Variants in ELFN1 observed in about 807,000 individuals in gnomAD.
ELFN1 encodes protein ELFN1.
A neutral mutation model predicts 7.6 loss-of-function variants in ELFN1; 6 were observed. The observed-to-expected ratio is 0.79, with a 90% CI of 0.43 to 1.56. ELFN1 has a LOEUF of 1.56. Among genes scored for constraint, ELFN1 ranks in the 40% most tolerant of loss-of-function variants. ELFN1 has a pLI of 0.01. For missense variants in ELFN1, 1,169 were observed against 1,232.2 expected, an observed-to-expected ratio of 0.95 and a Z score of 0.77; for synonymous variants, 657 against 588.1, an observed-to-expected ratio of 1.12 and a Z score of -1.70.
Position 1,745,798 on chromosome 7 carries a change from G to A in ELFN1, c.1202G>A (p.Arg401Gln), listed in dbSNP as rs935745447. Reference protein sequence around the residue: ...NHTCLTICLPRLPSPPGPVPS... With the variant: ...NHTCLTICLPQLPSPPGPVPS... ...ACCTGCCTCACCATCTGCTTGCCCCGGCTGCCCAGCCCGCCTGGTCCGGTG... is the reference window on the plus strand; with the variant it reads ...ACCTGCCTCACCATCTGCTTGCCCCAGCTGCCCAGCCCGCCTGGTCCGGTG... Residue 401 changes from arginine (R) to glutamine (Q), a missense_variant, in exon 4 of 4, where the codon CGG becomes CAG. Arg to Gln is a conservative substitution (Grantham distance 43). Coordinates refer to ENST00000424383, the MANE Select transcript of ELFN1 (RefSeq NM_001128636.4). The A allele has an allele frequency of 6.0e-5, 94 of 1,558,080 alleles. No individual in the cohort carries two copies. Among genetic ancestry groups the A allele is most frequent in the East Asian group, 1.5e-4 (6 of 41,252 alleles).
chr7:1,707,293 A>C (rs138896339), intron 2 of ELFN1, among the ~76,000 whole-genome samples: 17 of 152,296 alleles, frequency 1.1e-4, no homozygotes, highest in African/African-American at 4.1e-4. Context: ...CGACCCCTCC[A>C]CGTGACTGCA....
chr7:1,668,603 C>T (rs937139687), upstream of ELFN1, among the ~76,000 whole-genome samples: 6 of 152,184 alleles, frequency 3.9e-5, no homozygotes, highest in Admixed American at 2.6e-4. Flanking sequence ...GGGGGCCGAC[C>T]AGCTTCTCCC....
chr7:1,725,333 C>T (rs959692810), intron 3 of ELFN1, among the ~76,000 whole-genome samples: 3 of 152,122 alleles, frequency 2.0e-5, no homozygotes, highest in Admixed American at 2.0e-4. Context: ...GGCGGGGGCC[C>T]TGGTGGTGTG....
chr7:1,727,638 T>C (rs917465412), intron 3 of ELFN1, among the ~76,000 whole-genome samples: 3 of 152,120 alleles, frequency 2.0e-5, no homozygotes, highest in Non-Finnish European at 4.4e-5. Flanking sequence ...CCAGTAGTCT[T>C]TTTTTGGTCA....
rs746104771 is a variant in ELFN1, at chr7:1,745,520, G to T, written c.924G>T (p.Thr308=). 1.3e-6 allele frequency: 2 copies of T among 1,546,116 alleles called. No homozygotes were observed. Among genetic ancestry groups the T allele is most frequent in the Non-Finnish European group, 1.7e-6 (2 of 1,146,868 alleles). Residue 308 remains threonine (T), a synonymous_variant, in exon 4 of 4, where the codon ACG becomes ACT. Coordinates refer to ENST00000424383, the MANE Select transcript of ELFN1 (RefSeq NM_001128636.4). ...DGTTPLVALP[T]LATQAEARPL... is the part of the protein sequence containing the mutation. ...CCACGCCACTGGTGGCCCTGCCCAC[G>T]CTGGCCACGCAGGCCGAGGCCCGCC...
At chr7:1,727,611 G>A (rs116793393) in intron 3 of ELFN1, among the ~76,000 whole-genome samples, 3,569 of 152,188 alleles carry the variant, frequency 0.023, 157 homozygotes, top group African/African-American at 0.081. Flanking sequence ...CTGTCTGCCT[G>A]GATGCTTTGG....
At chr7:1,718,478 C>T (rs1779902641) in intron 3 of ELFN1, among the ~76,000 whole-genome samples, 4 of 152,166 alleles carry the variant, frequency 2.6e-5, no homozygotes. Context: ...TTGGTCCTGG[C>T]CGAAAGCCTT....
At chr7:1,704,473 G>T (rs897246809) in intron 2 of ELFN1, among the ~76,000 whole-genome samples, 2 of 152,068 alleles carry the variant, frequency 1.3e-5, no homozygotes, top group African/African-American at 2.4e-5. Flanking sequence ...ATGTGCACAC[G>T]TGCTCACACA....
chr7:1,721,443 G>A (rs915530609), intron 3 of ELFN1, among the ~76,000 whole-genome samples: 1 of 152,254 alleles, frequency 6.6e-6, no homozygotes, highest in South Asian at 2.1e-4. Flanking sequence ...ACAAGGCAGC[G>A]AACTTGCTGG....
intron 3 of ELFN1, among the ~76,000 whole-genome samples, chr7:1,725,849 CAAAAT>C (rs974181912): frequency 3.9e-5 from 6 of 152,188 alleles, no homozygotes; most frequent in Admixed American, 2.6e-4. Flanking sequence ...AATACACACT[CAAAAT>C]AACACACAGT....
intron 2 of ELFN1, among the ~76,000 whole-genome samples, chr7:1,703,738 A>G (rs1455036516): frequency 6.6e-6 from 1 of 152,122 alleles, no homozygotes; most frequent in Non-Finnish European, 1.5e-5. Context: ...CACGGGGACA[A>G]TCCTACTGGC....
chr7:1,744,098 G>A (rs1018607087), intron 3 of ELFN1, among the ~76,000 whole-genome samples: 2 of 152,274 alleles, frequency 1.3e-5, no homozygotes, highest in East Asian at 1.9e-4. Context: ...CATTTCCTCC[G>A]CTATCCTGAC....
intron 3 of ELFN1, among the ~76,000 whole-genome samples, chr7:1,719,758 T>TCCCAGTTCGAAGCACTGGGATCA (rs1779960029): frequency 6.6e-6 from 1 of 152,192 alleles, no homozygotes; most frequent in Non-Finnish European, 1.5e-5. Flanking sequence ...CAGGAGCAAA[T>TCCCAGTTCGAAGCACTGGGATCA]GGCTAGGAGG....
chr7:1,736,730 T>C (rs994290636), intron 3 of ELFN1, among the ~76,000 whole-genome samples: 10 of 152,244 alleles, frequency 6.6e-5, no homozygotes, highest in Admixed American at 5.9e-4. Context: ...AACAATTTCA[T>C]GTTAGGATGG....
upstream of ELFN1, among the ~76,000 whole-genome samples, chr7:1,669,475 A>G (rs1778719292): frequency 6.6e-6 from 1 of 152,086 alleles, no homozygotes; most frequent in Non-Finnish European, 1.5e-5. Flanking sequence ...TGGAGTCCCG[A>G]GGCTCCTGCC....
intron 3 of ELFN1, among the ~76,000 whole-genome samples, chr7:1,711,574 GT>G (rs1298624739): frequency 2.8e-4 from 26 of 91,650 alleles, no homozygotes; most frequent in South Asian, 3.5e-4. Context: ...GAGCGAGAGA[GT>G]GAGAGAGAGA....
chr7:1,695,067 G>A lies in ELFN1; in HGVS notation c.-456+6917G>A, dbSNP rs1013850793. The stretch of plus-strand genomic sequence containing the variant: ...GCCCATCCCCCTCACTTTGAGTTAC[G>A]CTGCAGACGGCTCCGGATGCACGTG... On this transcript the variant is annotated intron_variant, in intron 2 of 3. Coordinates refer to ENST00000424383, the MANE Select transcript of ELFN1 (RefSeq NM_001128636.4). This position sits in a 1 kb window ranked among gnomAD's most constrained non-coding sequence, Gnocchi z 5.1. 2.0e-5 allele frequency among the ~76,000 whole-genome samples: 3 copies of A among 152,180 alleles called. No individual in the cohort carries two copies. Among genetic ancestry groups the A allele is most frequent in the Admixed American group, 6.5e-5 (1 of 15,286 alleles).
At chr7:1,708,980 G>A (rs955824218) in intron 2 of ELFN1, 111 bp from the exon 3 acceptor site, 6 of 152,216 alleles carry the variant, frequency 3.9e-5, no homozygotes, top group Non-Finnish European at 5.9e-5. Context: ...AGTCCGACAC[G>A]TGTGACTGAC....
At chr7:1,681,139 T>A (rs891841502) in intron 1 of ELFN1, among the ~76,000 whole-genome samples, 1 of 152,230 alleles carries the variant, frequency 6.6e-6, no homozygotes, top group African/African-American at 2.4e-5. Flanking sequence ...AGTGTCATAT[T>A]TTTGAGGTTC....
Sources: gnomAD v4.1 joint callset for allele counts (sites outside exome capture counted in the v4.1 genomes callset) on GRCh38, gnomAD v4.1.1 for gene constraint, Gnocchi (gnomAD v3.1) non-coding constraint, MANE v1.5 for transcripts, NCBI Gene and HGNC (gene_info 2026-07-23, HGNC 2026-07-21) for gene names.